Variants in IFFO2 observed in about 807,000 individuals in gnomAD.
IFFO2 encodes intermediate filament family orphan 2.
IFFO2 carries 19 observed loss-of-function variants against 53.5 expected under a neutral mutation model. That is an observed-to-expected ratio of 0.36 (90% CI 0.25 to 0.52). The LOEUF (loss-of-function observed/expected upper bound fraction) is 0.52, where lower values mean the gene tolerates loss of function less well. Among genes scored for constraint, IFFO2 ranks in the 20% least tolerant of loss-of-function variants. The pLI is 0.94. For synonymous variants in IFFO2, 303 were observed against 313.6 expected, an observed-to-expected ratio of 0.97 and a Z score of 0.36; for missense variants, 570 against 727.4, an observed-to-expected ratio of 0.78 and a Z score of 2.49.
At chr1:18,924,619 AGC>A (rs1474406320) in intron 1 of IFFO2, among the ~76,000 whole-genome samples, 1 of 152,222 alleles carries the variant, frequency 6.6e-6, no homozygotes, top group Non-Finnish European at 1.5e-5. Flanking sequence ...AGGAAGTGGC[AGC>A]GCCTGGATTC....
chr1:18,938,724 G>A (rs1936481051), intron 1 of IFFO2, among the ~76,000 whole-genome samples: 1 of 152,156 alleles, frequency 6.6e-6, no homozygotes, highest in African/African-American at 2.4e-5. Flanking sequence ...GGGAGACCCT[G>A]CAGGGAGGGT....
chr1:18,950,737 C>T (rs944100837), intron 1 of IFFO2, among the ~76,000 whole-genome samples: 1 of 152,178 alleles, frequency 6.6e-6, no homozygotes, highest in African/African-American at 2.4e-5. Flanking sequence ...GGGCCAGCAC[C>T]CACCTGCTTG....
chr1:18,944,378 C>T (rs898731898), intron 1 of IFFO2, among the ~76,000 whole-genome samples: 6 of 151,942 alleles, frequency 3.9e-5, no homozygotes, highest in African/African-American at 9.7e-5. Context: ...CCAGGGCGAT[C>T]GGGGGCCGGG....
chr1:18,908,373 G>T lies in IFFO2; in HGVS notation c.*188C>A. 1 of 574,492 alleles carries T rather than the reference G, an allele frequency of 1.7e-6. No individual in the cohort carries two copies. Among genetic ancestry groups the T allele is most frequent in the South Asian group, 2.0e-5 (1 of 50,974 alleles). 35.6% of individuals were successfully genotyped at this position (574,492 alleles called of 1,614,324 possible). A position where few individuals can be genotyped will look rare whatever the true frequency, so the allele number is the denominator to read the frequency against. On this transcript the variant is annotated 3_prime_UTR_variant, in exon 9 of 9. Transcript: ENST00000455833. ...CCTTGGGTGGGTGGGGGATGGAGAC[G>T]GGGCACCCGTTGGTGGTGTGGAAGG...
chr1:18,913,448 G>A (rs927880560), intron 5 of IFFO2, among the ~76,000 whole-genome samples: 1 of 152,270 alleles, frequency 6.6e-6, no homozygotes, highest in Non-Finnish European at 1.5e-5. Flanking sequence ...AAGCTGGAAA[G>A]GACAGAAAGA....
intron 2 of IFFO2, among the ~76,000 whole-genome samples, chr1:18,920,312 A>G (rs1381421241): frequency 6.6e-6 from 1 of 152,248 alleles, no homozygotes; most frequent in Non-Finnish European, 1.5e-5. Flanking sequence ...CTTTCATTAT[A>G]AAAGAAAGGG....
rs114742208 is a variant in IFFO2 at position 18,918,243 on chromosome 1, G to C, written c.963+119C>G. The C allele has an allele frequency of 3.2e-6, 3 of 952,000 alleles. No individual in the cohort carries two copies. In the African/African-American group the frequency reaches 4.9e-5, roughly 16 times the overall value. The allele number at this position is 952,000 out of a possible 1,614,324, so 59.0% of individuals were successfully genotyped here. A position where few individuals can be genotyped will look rare whatever the true frequency, so the allele number is the denominator to read the frequency against. ...ACAGGGTCAGGTAGTGCTACCTCTC[G>C]GGGAAGGGGAGGGAGTGAGTGGGAT... On this transcript the variant is annotated intron_variant, in intron 4 of 8. Transcript: ENST00000455833. The surrounding 1 kb of genome is among the most constrained non-coding windows in gnomAD (Gnocchi z 5.2).
intron 1 of IFFO2, among the ~76,000 whole-genome samples, chr1:18,924,276 C>T (rs544889406): frequency 2.0e-5 from 3 of 151,936 alleles, no homozygotes; most frequent in East Asian, 3.9e-4. Flanking sequence ...TGCCCACCCA[C>T]CCAGAGCCAG....
intron 1 of IFFO2, among the ~76,000 whole-genome samples, chr1:18,937,481 G>C (rs767301623): frequency 2.6e-5 from 4 of 152,140 alleles, no homozygotes; most frequent in Non-Finnish European, 4.4e-5. Context: ...CTGAGCACCA[G>C]GCAACCCCAC....
chr1:18,928,150 C>G lies in IFFO2; in HGVS notation c.666-7029G>C, dbSNP rs1396144778. Reference sequence around the variant, plus strand: ...CCCGAAAATGGACAGCCAATAAGCTCTAGCCCCTGCGCATGAAAGAGGCCC... The same window carrying G: ...CCCGAAAATGGACAGCCAATAAGCTGTAGCCCCTGCGCATGAAAGAGGCCC... On this transcript the variant is annotated intron_variant, in intron 1 of 8. Transcript: ENST00000455833. The surrounding 1 kb of genome is among the most constrained non-coding windows in gnomAD (Gnocchi z 4.9). Among the ~76,000 whole-genome samples the G allele has an allele frequency of 6.6e-6, 1 of 152,166 alleles. No individual in the cohort carries two copies. Among genetic ancestry groups the G allele is most frequent in the Admixed American group, 6.5e-5 (1 of 15,288 alleles).
At chr1:18,910,079 G>A (rs1407222858) in intron 8 of IFFO2, among the ~76,000 whole-genome samples, 2 of 152,228 alleles carry the variant, frequency 1.3e-5, no homozygotes, top group African/African-American at 4.8e-5. Context: ...CTTGCACAGA[G>A]CAGGCCTTTG....
chr1:18,935,139 CAAT>C (rs1343296105), intron 1 of IFFO2, among the ~76,000 whole-genome samples: 2 of 152,194 alleles, frequency 1.3e-5, no homozygotes, highest in Non-Finnish European at 2.9e-5. Flanking sequence ...CCTGCAGCAA[CAAT>C]GTTTTGTGCC....
chr1:18,912,187 G>C (rs1255532556), intron 5 of IFFO2, 104 bp from the exon 6 acceptor site: 7 of 1,399,852 alleles, frequency 5.0e-6, no homozygotes, highest in Non-Finnish European at 6.8e-6. Flanking sequence ...ACAGCTTCAA[G>C]GCTGTCCTCA....
Position 18,911,990 on chromosome 1 carries a change from G to A in IFFO2, c.1197C>T (p.Cys399=), listed in dbSNP as rs972407513. ...TLLLWEDFTN[C]NPTIDLQGEQ... ...CGCCCTGCAGGTCGATGGTCGGATT[G>A]CAGTTGGTGAAATCCTCCCAGAGCA... Residue 399 remains cysteine, a synonymous_variant, in exon 6 of 9, where the codon TGC becomes TGT. Coordinates refer to ENST00000455833, the MANE Select transcript of IFFO2 (RefSeq NM_001136265.2). 3 of 1,551,768 alleles carry A rather than the reference G, an allele frequency of 1.9e-6. No individual in the cohort carries two copies. Among genetic ancestry groups the A allele is most frequent in the Non-Finnish European group, 2.6e-6 (3 of 1,147,008 alleles).
At chr1:18,943,345 A>G (rs1179548493) in intron 1 of IFFO2, among the ~76,000 whole-genome samples, 1 of 152,108 alleles carries the variant, frequency 6.6e-6, no homozygotes, top group Non-Finnish European at 1.5e-5. Context: ...ATTCAACAGC[A>G]CTCCAGGCAG....
At position 18,917,072 on chromosome 1, in the gene IFFO2, CTG is replaced by C; in HGVS notation, c.964-32_964-31del. On this transcript the variant is annotated intron_variant, in intron 4 of 8. Coordinates refer to ENST00000455833, the MANE Select transcript of IFFO2 (RefSeq NM_001136265.2). This position sits in a 1 kb window ranked among gnomAD's most constrained non-coding sequence, Gnocchi z 5.9. ...ACCGGAAAGGAAGCAATCAAGGTAA[CTG>C]GGGGGCTCGGCTAGGATGGAAGGTA... 1 of 1,550,746 alleles carries C rather than the reference CTG, an allele frequency of 6.4e-7. No individual in the cohort carries two copies. The highest frequency in any genetic ancestry group is 2.4e-5 in the East Asian group (1 of 40,884).
At position 18,919,564 on chromosome 1, in the gene IFFO2, G is replaced by A; in HGVS notation, c.822+114C>T. 1.4e-6 allele frequency: 1 copy of A among 729,424 alleles called. No homozygotes were observed. Among genetic ancestry groups the A allele is most frequent in the African/African-American group, 1.7e-5 (1 of 57,608 alleles). The allele number at this position is 729,424 out of a possible 1,614,324, so 45.2% of individuals were successfully genotyped here. ...TCCGTCATCCTCATGGTCAAACACA[G>A]CCAGCCAGGATTCTAACTAGAAGCC... On this transcript the variant is annotated intron_variant, in intron 3 of 8. Transcript: ENST00000455833. This position sits in a 1 kb window ranked among gnomAD's most constrained non-coding sequence, Gnocchi z 4.9.
In IFFO2 at chr1:18,919,946, G is replaced by C. The variant is rs1936194442; in HGVS notation, c.727-173C>G. 6.6e-6 allele frequency among the ~76,000 whole-genome samples: 1 copy of C among 152,258 alleles called. No homozygotes were observed. The highest frequency in any genetic ancestry group is 1.5e-5 in the Non-Finnish European group (1 of 68,040). Reference sequence around the variant, plus strand: ...CCAGCCTGACTTCCCACTGAACACTGTTGACTGCTTAAAACACTTTTCAAA... The same window carrying C: ...CCAGCCTGACTTCCCACTGAACACTCTTGACTGCTTAAAACACTTTTCAAA... On this transcript the variant is annotated intron_variant, in intron 2 of 8. Coordinates refer to ENST00000455833, the MANE Select transcript of IFFO2 (RefSeq NM_001136265.2). This position sits in a 1 kb window ranked among gnomAD's most constrained non-coding sequence, Gnocchi z 4.9.
intron 1 of IFFO2, among the ~76,000 whole-genome samples, chr1:18,930,797 G>A (rs1157620627): frequency 6.6e-6 from 1 of 152,186 alleles, no homozygotes; most frequent in African/African-American, 2.4e-5. Flanking sequence ...GTTGTTTTCT[G>A]AGCCACCTGT....
Sources: allele counts gnomAD v4.1 joint callset (sites outside exome capture counted in the v4.1 genomes callset), GRCh38; gene constraint gnomAD v4.1.1; non-coding constraint Gnocchi (gnomAD v3.1); transcripts MANE v1.5; gene names NCBI Gene and HGNC (gene_info 2026-07-23, HGNC 2026-07-21).